Variants in MDGA2 observed in about 807,000 individuals in gnomAD.
The protein encoded by MDGA2 is MAM domain-containing glycosylphosphatidylinositol anchor protein 2.
In MDGA2, 40 loss-of-function variants were observed where a neutral mutation model predicts 117.8. That is an observed-to-expected ratio of 0.34 (90% CI 0.26 to 0.44). The LOEUF (loss-of-function observed/expected upper bound fraction) is 0.44. MDGA2 is among the 20% of genes least tolerant of loss of function. The probability of loss-of-function intolerance (pLI) is 1.00; values close to 1 mark genes in which losing one functional copy is unlikely to be tolerated. For synonymous variants in MDGA2, 452 were observed against 439.0 expected (o/e 1.03, Z -0.37); for missense variants, 1,123 against 1,250.6 (o/e 0.90, Z 1.54).
At chr14:47,666,479 C>A (rs56251649) in intron 1 of MDGA2, among the ~76,000 whole-genome samples, 43,906 of 151,986 alleles carry the variant, frequency 0.29, 6,929 homozygotes, top group South Asian at 0.45. Context: ...TTTGTAAATA[C>A]ACCAATCGAC....
In MDGA2 at chr14:46,884,026, T is replaced by C. The variant is rs1019429078; in HGVS notation, c.2239-1805A>G. 6.6e-6 allele frequency among the ~76,000 whole-genome samples: 1 copy of C among 152,132 alleles called. No individual in the cohort carries two copies. Among genetic ancestry groups the C allele is most frequent in the African/African-American group, 2.4e-5 (1 of 41,450 alleles). ...CTTGGTTATTTTTCACTGGTGCTGA[T>C]AATATGGCTTAAAATTCTATTATTG... is the stretch of plus-strand genomic sequence containing the variant. On this transcript the variant is annotated intron_variant, in intron 10 of 16. Transcript: ENST00000399232. The surrounding 1 kb of genome is among the most constrained non-coding windows in gnomAD (Gnocchi z 4.1).
chr14:47,363,442 G>C (rs1306030356), intron 1 of MDGA2, among the ~76,000 whole-genome samples: 3 of 151,888 alleles, frequency 2.0e-5, no homozygotes, highest in Non-Finnish European at 4.4e-5. Context: ...ATTTTTAGTA[G>C]AGGTGGGGTT....
chr14:47,262,685 A>G (rs1887835905), intron 2 of MDGA2, among the ~76,000 whole-genome samples: 1 of 152,294 alleles, frequency 6.6e-6, no homozygotes, highest in East Asian at 1.9e-4. Flanking sequence ...GGCAGACCTT[A>G]TTCAAATACA....
intron 1 of MDGA2, among the ~76,000 whole-genome samples, chr14:47,534,575 G>A (rs1455726739): frequency 1.3e-5 from 2 of 151,982 alleles, no homozygotes; most frequent in African/African-American, 2.4e-5. Flanking sequence ...GTGAGAACTC[G>A]CTCATTATCA....
intron 1 of MDGA2, among the ~76,000 whole-genome samples, chr14:47,370,468 G>GTCTTTTTTT (rs1891322901): frequency 4.8e-5 from 1 of 20,682 alleles, no homozygotes; most frequent in Non-Finnish European, 1.0e-4. Context: ...TCTACTTACT[G>GTCTTTTTTT]TTTTTTTTTT....
chr14:47,040,293 C>A (rs929699500), intron 7 of MDGA2, among the ~76,000 whole-genome samples: 2 of 152,082 alleles, frequency 1.3e-5, no homozygotes, highest in Admixed American at 1.3e-4. Flanking sequence ...AGAACACTAA[C>A]AGCGGTTCTC....
At chr14:47,128,919 G>C (rs2139137685) in intron 5 of MDGA2, among the ~76,000 whole-genome samples, 1 of 152,002 alleles carries the variant, frequency 6.6e-6, no homozygotes, top group South Asian at 2.1e-4. Context: ...TCAATCTCCT[G>C]ACCTCGTGAT....
intron 6 of MDGA2, among the ~76,000 whole-genome samples, chr14:47,093,471 G>T (rs1383286898): frequency 6.6e-6 from 1 of 152,042 alleles, no homozygotes; most frequent in Admixed American, 6.6e-5. Flanking sequence ...CAGGAGTTTG[G>T]AAAGCATTGA....
chr14:46,997,012 T>G (rs1887319437), intron 8 of MDGA2: 23 of 351,878 alleles, frequency 6.5e-5, no homozygotes, highest in South Asian at 6.5e-4. Flanking sequence ...AAACTAGGTG[T>G]TGGATTTGAT....
chr14:46,895,337 C>A (rs1167736319), intron 10 of MDGA2, among the ~76,000 whole-genome samples: 3 of 152,130 alleles, frequency 2.0e-5, no homozygotes, highest in Non-Finnish European at 4.4e-5. Flanking sequence ...ATTACCCAGT[C>A]TCAGATATTT....
At chr14:47,417,917 T>C (rs759990923) in intron 1 of MDGA2, among the ~76,000 whole-genome samples, 12 of 152,036 alleles carry the variant, frequency 7.9e-5, no homozygotes, top group Non-Finnish European at 1.5e-4. Context: ...TCTTGCTATA[T>C]TGCCCAGGCT....
At chr14:47,082,857 T>G (rs1477661724) in intron 6 of MDGA2, among the ~76,000 whole-genome samples, 1 of 151,528 alleles carries the variant, frequency 6.6e-6, no homozygotes, top group East Asian at 1.9e-4. Flanking sequence ...GATGAAAAAT[T>G]TTGCCAGATA....
intron 1 of MDGA2, among the ~76,000 whole-genome samples, chr14:47,419,111 T>A (rs1892528852): frequency 6.6e-6 from 1 of 152,192 alleles, no homozygotes; most frequent in Non-Finnish European, 1.5e-5. Context: ...CAGTTATCCA[T>A]CTGCCAGTGG....
chr14:47,186,953 GCT>G (rs1004316500), intron 3 of MDGA2, among the ~76,000 whole-genome samples: 17 of 151,768 alleles, frequency 1.1e-4, no homozygotes, highest in Non-Finnish European at 1.5e-4. Context: ...TCTGAATGTG[GCT>G]CTGTTTCTAC....
At chr14:47,124,790 C>A (rs969134593) in intron 5 of MDGA2, among the ~76,000 whole-genome samples, 1 of 152,002 alleles carries the variant, frequency 6.6e-6, no homozygotes, top group Non-Finnish European at 1.5e-5. Flanking sequence ...TCCATGAATG[C>A]ACAGAGGAAA....
chr14:47,122,953 A>G (rs1379752037), intron 5 of MDGA2, among the ~76,000 whole-genome samples: 1 of 152,120 alleles, frequency 6.6e-6, no homozygotes, highest in Non-Finnish European at 1.5e-5. Flanking sequence ...TTTCTAATGA[A>G]TAATTATTTT....
chr14:46,983,164 A>G (rs1004742878), intron 8 of MDGA2, among the ~76,000 whole-genome samples: 1 of 152,176 alleles, frequency 6.6e-6, no homozygotes, highest in East Asian at 1.9e-4. Flanking sequence ...TATAGCCCAT[A>G]TCTATGCACA....
At chr14:46,996,862 A>T (rs1361582363) in intron 8 of MDGA2, 1 of 270,044 alleles carries the variant, frequency 3.7e-6, no homozygotes, top group Non-Finnish European at 7.2e-6. Flanking sequence ...TTCCACACAT[A>T]TTCTGGAAGT....
intron 1 of MDGA2, among the ~76,000 whole-genome samples, chr14:47,636,077 T>A (rs2138234017): frequency 6.6e-6 from 1 of 152,192 alleles, no homozygotes; most frequent in Admixed American, 6.5e-5. Context: ...AAAAGCTACT[T>A]AGGGAATAAG....
Sources: gnomAD v4.1 joint callset for allele counts (sites outside exome capture counted in the v4.1 genomes callset) on GRCh38, gnomAD v4.1.1 for gene constraint, Gnocchi (gnomAD v3.1) non-coding constraint, MANE v1.5 for transcripts, NCBI Gene and HGNC (gene_info 2026-07-23, HGNC 2026-07-21) for gene names.